BCL2L11: variants seen among roughly 807,000 people sequenced by gnomAD.
BCL2L11 encodes bcl-2-like protein 11.
In BCL2L11, 15 loss-of-function variants were observed where a neutral mutation model predicts 20.6. The observed-to-expected ratio is 0.73, with a 90% CI of 0.49 to 1.12. The LOEUF (loss-of-function observed/expected upper bound fraction) is 1.12, where lower values mean the gene tolerates loss of function less well. BCL2L11 is among the 50% of genes most tolerant of loss of function. BCL2L11 has a pLI of 0.00. For synonymous variants in BCL2L11, 108 were observed against 92.8 expected (o/e 1.16, Z -0.94); for missense variants, 292 against 260.9 (o/e 1.12, Z -0.82).
In BCL2L11 at chr2:111,165,507, C is replaced by T. The variant is rs991621230; in HGVS notation, c.*1276C>T. The T allele has an allele frequency of 6.7e-6, 1 of 150,286 alleles. No homozygotes were observed. Among genetic ancestry groups the T allele is most frequent in the Non-Finnish European group, 1.5e-5 (1 of 67,106 alleles). The allele number at this position is 150,286 out of a possible 1,614,324, so 9.3% of individuals were successfully genotyped here. ...TAGAAGAATAATTCTGGGCAGAAGT[C>T]TGTTTTTTTTCATTTTTCCAGGACA... On this transcript the variant is annotated 3_prime_UTR_variant, in exon 4 of 4. Coordinates refer to ENST00000393256, the MANE Select transcript of BCL2L11 (RefSeq NM_138621.5).
chr2:111,150,312 T>A, intron 3 of BCL2L11, 165 bp downstream of exon 3: 1 of 1,390,568 alleles, frequency 7.2e-7, no homozygotes, highest in East Asian at 2.9e-5. Context: ...TTTTCATTTG[T>A]TTTATGACTA....
At chr2:111,161,084 A>G (rs947656160) in intron 3 of BCL2L11, among the ~76,000 whole-genome samples, 6 of 152,058 alleles carry the variant, frequency 3.9e-5, no homozygotes, top group African/African-American at 1.4e-4. Context: ...CTGTGTCCTG[A>G]TTGTCTCTTA....
Position 111,147,346 on chromosome 2 carries a change from T to TCA in BCL2L11, c.395-2654_395-2653dup, listed in dbSNP as rs70962921. ...TCCTGTATCTCTCTCTCTCTCTCTC[T>TCA]CACACACACACACACACACACACAC... On this transcript the variant is annotated intron_variant, in intron 2 of 3. Coordinates refer to ENST00000393256, the MANE Select transcript of BCL2L11 (RefSeq NM_138621.5). Among the ~76,000 whole-genome samples the TCA allele has an allele frequency of 4.2e-3, 583 of 137,374 alleles. 2 individuals carry two copies. Among genetic ancestry groups the TCA allele is most frequent in the Admixed American group, 8.8e-3 (122 of 13,850 alleles). 90.1% of individuals were successfully genotyped at this position (137,374 alleles called of 152,430 possible). A position where few individuals can be genotyped will look rare whatever the true frequency, so the allele number is the denominator to read the frequency against.
chr2:111,129,964 T>C (rs2073565843), intron 2 of BCL2L11, among the ~76,000 whole-genome samples: 1 of 152,280 alleles, frequency 6.6e-6, no homozygotes, highest in African/African-American at 2.4e-5. Context: ...TTTTTATTGC[T>C]GAATAGTATT....
chr2:111,141,961 A>G (rs1424577300), intron 2 of BCL2L11, among the ~76,000 whole-genome samples: 2 of 152,152 alleles, frequency 1.3e-5, no homozygotes, highest in Admixed American at 6.5e-5. Context: ...TCAGCCTCCC[A>G]AAGTGCTAGG....
In BCL2L11 at chr2:111,130,093, T is replaced by C. The variant is rs769604187; in HGVS notation, c.394+5954T>C. 1.2e-5 allele frequency: 5 copies of C among 403,134 alleles called. 1 individual carries two copies. The highest frequency in any genetic ancestry group is 8.9e-5 in the South Asian group (5 of 56,128). 25.0% of individuals were successfully genotyped at this position (403,134 alleles called of 1,614,324 possible). A position where few individuals can be genotyped will look rare whatever the true frequency, so the allele number is the denominator to read the frequency against. On this transcript the variant is annotated intron_variant, in intron 2 of 3. Transcript: ENST00000393256. ...CAGGGAGGATTAAAAGAAGTATTTA[T>C]TGTACTTTTACTTCTCTTTTTTTTT...
rs150522049 is a variant in BCL2L11 at position 111,165,577 on chromosome 2, G to C, written c.*1346G>C. On this transcript the variant is annotated 3_prime_UTR_variant, in exon 4 of 4. Coordinates refer to ENST00000393256, the MANE Select transcript of BCL2L11 (RefSeq NM_138621.5). ...CTTGTGACCCCAGCCATGTAGTGAG[G>C]GTGCTCTTTCTCTGTGCCTGCTCCT... 6.6e-6 allele frequency: 1 copy of C among 152,238 alleles called. No individual in the cohort carries two copies. The highest frequency in any genetic ancestry group is 2.4e-5 in the African/African-American group (1 of 41,524). 9.4% of individuals were successfully genotyped at this position (152,238 alleles called of 1,614,324 possible).
intron 2 of BCL2L11, among the ~76,000 whole-genome samples, chr2:111,143,892 A>G (rs934303705): frequency 6.6e-6 from 1 of 152,220 alleles, no homozygotes; most frequent in African/African-American, 2.4e-5. Flanking sequence ...TAATGTCTTT[A>G]GACTTGTATT....
At chr2:111,136,072 C>T (rs1041836839) in intron 2 of BCL2L11, among the ~76,000 whole-genome samples, 36 of 152,264 alleles carry the variant, frequency 2.4e-4, no homozygotes, top group Non-Finnish European at 8.8e-5. Context: ...TGCTGTGGGG[C>T]TGCTGCCAGG....
intron 3 of BCL2L11, chr2:111,151,713 C>T: frequency 1.3e-5 from 12 of 897,740 alleles, no homozygotes; most frequent in South Asian, 7.1e-5. Context: ...TCGGATCTTC[C>T]TACCTTTCTG....
chr2:111,124,266 G>A (rs1201831711), intron 2 of BCL2L11, 127 bp downstream of exon 2: 72 of 1,158,788 alleles, frequency 6.2e-5, no homozygotes, highest in Non-Finnish European at 8.1e-5. Flanking sequence ...AGATGGGAAT[G>A]GAGGATGTGT....
At chr2:111,135,947 G>A (rs953534715) in intron 2 of BCL2L11, among the ~76,000 whole-genome samples, 22 of 152,176 alleles carry the variant, frequency 1.4e-4, no homozygotes, top group Non-Finnish European at 1.5e-5. Flanking sequence ...CTTCTGCCAG[G>A]GAGGGTCTGG....
intron 2 of BCL2L11, among the ~76,000 whole-genome samples, chr2:111,127,419 CTTTTT>C (rs774187139): frequency 4.8e-5 from 6 of 125,068 alleles, no homozygotes; most frequent in Admixed American, 3.2e-4. Context: ...TAATGGCTTT[CTTTTT>C]TTTTTTTTTT....
intron 3 of BCL2L11, among the ~76,000 whole-genome samples, chr2:111,152,621 T>C (rs2077385624): frequency 6.6e-6 from 1 of 152,180 alleles, no homozygotes; most frequent in African/African-American, 2.4e-5. Context: ...GGCCATCCTC[T>C]TGTGAAGGCT....
chr2:111,148,727 C>A (rs559766254), intron 2 of BCL2L11, among the ~76,000 whole-genome samples: 5 of 152,282 alleles, frequency 3.3e-5, no homozygotes, highest in African/African-American at 1.2e-4. Context: ...CCCTCTTACC[C>A]CACTGCCACC....
chr2:111,137,757 A>G (rs933764411), intron 2 of BCL2L11, among the ~76,000 whole-genome samples: 1 of 151,336 alleles, frequency 6.6e-6, no homozygotes, highest in African/African-American at 2.4e-5. Context: ...GAGAATCTAC[A>G]TTATTCTGCC....
chr2:111,143,890 T>G (rs2076173415), intron 2 of BCL2L11, among the ~76,000 whole-genome samples: 1 of 152,188 alleles, frequency 6.6e-6, no homozygotes, highest in Non-Finnish European at 1.5e-5. Flanking sequence ...CTTAATGTCT[T>G]TAGACTTGTA....
chr2:111,142,500 A>G (rs1323078870), intron 2 of BCL2L11: 4 of 829,696 alleles, frequency 4.8e-6, no homozygotes, highest in East Asian at 2.7e-5. Flanking sequence ...TGTGTTATCA[A>G]TAATCATATC....
intron 2 of BCL2L11, among the ~76,000 whole-genome samples, chr2:111,134,441 C>CT (rs1176285101): frequency 6.6e-6 from 1 of 152,104 alleles, no homozygotes; most frequent in Non-Finnish European, 1.5e-5. Context: ...AGAAACCTTA[C>CT]TTTTCTTTAG....
Sources: allele counts gnomAD v4.1 joint callset (sites outside exome capture counted in the v4.1 genomes callset), GRCh38; gene constraint gnomAD v4.1.1; transcripts MANE v1.5; gene names NCBI Gene and HGNC (gene_info 2026-07-23, HGNC 2026-07-21).